CLPSL1: variants seen among roughly 807,000 people sequenced by gnomAD.
CLPSL1 encodes the protein colipase-like protein 1.
Under a neutral mutation model 9.3 loss-of-function variants are expected in CLPSL1, and 13 were observed. That is an observed-to-expected ratio of 1.40 (90% confidence interval 0.91 to 2.22). CLPSL1 has a LOEUF of 2.22. Ranked by LOEUF, CLPSL1 falls within the 30% of genes most tolerant of loss-of-function variation. CLPSL1 has a pLI of 0.00. For synonymous variants in CLPSL1, 58 were observed against 56.9 expected, an observed-to-expected ratio of 1.02 and a Z score of -0.08; for missense variants, 164 against 146.6, an observed-to-expected ratio of 1.12 and a Z score of -0.61.
At chr6:35,786,863 C>T (rs1485037801) in intron 1 of CLPSL1, 135 bp from the exon 2 acceptor site, 4 of 1,171,908 alleles carry the variant, frequency 3.4e-6, no homozygotes, top group Non-Finnish European at 4.8e-6. Flanking sequence ...TAGAGACCAC[C>T]CTGCCTGGCA....
In CLPSL1 at chr6:35,787,004, A is replaced by G; in HGVS notation, c.106A>G (p.Lys36Glu). ...GCCGTGTCCCTCCCTGCAGGAGCTC[A>G]AGGAGTCTTGCATCCGGAACCAGGA... is the stretch of plus-strand genomic sequence containing the variant. ...SPTKYNLLEL[K>E]ESCIRNQDCE... Residue 36 changes from lysine to glutamate, a missense_variant, in exon 2 of 3, where the codon AAG becomes GAG. By Grantham distance (56) the Lys-to-Glu change is moderately conservative. Coordinates refer to ENST00000373861, the MANE Select transcript of CLPSL1 (RefSeq NM_001010886.5). 6.3e-7 allele frequency: 1 copy of G among 1,579,650 alleles called. No individual in the cohort carries two copies. The highest frequency in any genetic ancestry group is 1.3e-5 in the African/African-American group (1 of 74,808).
intron 1 of CLPSL1, among the ~76,000 whole-genome samples, chr6:35,784,068 T>G (rs1768022504): frequency 6.6e-6 from 1 of 152,054 alleles, no homozygotes; most frequent in Non-Finnish European, 1.5e-5. Context: ...GTTTTTTGTT[T>G]TTTGGGGTAT....
intron 1 of CLPSL1, among the ~76,000 whole-genome samples, chr6:35,785,201 A>G (rs1768044951): frequency 7.8e-6 from 1 of 128,464 alleles, no homozygotes; most frequent in African/African-American, 3.1e-5. Context: ...TTTTTGAGAC[A>G]GAGTCTCGCT....
In CLPSL1 at chr6:35,781,210, G is replaced by A. The variant is rs758316974; in HGVS notation, c.99+1G>A. 1 of 1,613,368 alleles carries A rather than the reference G, an allele frequency of 6.2e-7. No homozygotes were observed. Among genetic ancestry groups the A allele is most frequent in the Non-Finnish European group, 8.5e-7 (1 of 1,179,532 alleles). The stretch of plus-strand genomic sequence containing the variant: ...TTCTCCAACAAAATACAACCTTTTG[G>A]TAAGAAAGCTGGAGAGTGCAGTCAC... On this transcript the variant is annotated splice_donor_variant, in intron 1 of 2. Transcript: ENST00000373861. LOFTEE classifies it high-confidence loss of function.
chr6:35,786,537 T>C (rs765468861), intron 1 of CLPSL1, among the ~76,000 whole-genome samples: 8 of 152,192 alleles, frequency 5.3e-5, no homozygotes, highest in Non-Finnish European at 1.0e-4. Context: ...TCAGAGATGA[T>C]GGGTGGCTGT....
intron 2 of CLPSL1, among the ~76,000 whole-genome samples, chr6:35,787,337 C>T (rs558467743): frequency 2.0e-5 from 3 of 152,334 alleles, no homozygotes; most frequent in Non-Finnish European, 4.4e-5. Flanking sequence ...TGGATTGGGG[C>T]GGGAAGGCGA....
chr6:35,781,048 C>A lies in CLPSL1; in HGVS notation c.-63C>A, dbSNP rs964109454. 9.4e-6 allele frequency: 15 copies of A among 1,595,894 alleles called. No homozygotes were observed. The highest frequency in any genetic ancestry group is 3.4e-5 in the Admixed American group (2 of 58,640). On this transcript the variant is annotated 5_prime_UTR_variant, in exon 1 of 3. Coordinates refer to ENST00000373861, the MANE Select transcript of CLPSL1 (RefSeq NM_001010886.5). ...GGTGTTCCCACAGCTGGGAGGACAC[C>A]CACATGGTCGGCGTGCAGGATATTT...
intron 1 of CLPSL1, among the ~76,000 whole-genome samples, chr6:35,784,251 T>G (rs1323500636): frequency 6.6e-6 from 1 of 152,164 alleles, no homozygotes; most frequent in Non-Finnish European, 1.5e-5. Context: ...ACAGCTATTA[T>G]CAGCAGAAGG....
intron 1 of CLPSL1, among the ~76,000 whole-genome samples, chr6:35,793,275 A>G (rs1768256370): frequency 6.6e-6 from 1 of 152,244 alleles, no homozygotes; most frequent in Non-Finnish European, 1.5e-5. Flanking sequence ...AATGCAAAAA[A>G]TCAGCCAGGC....
chr6:35,792,091 C>G (rs555425750), downstream of CLPSL1, among the ~76,000 whole-genome samples: 1 of 122,138 alleles, frequency 8.2e-6, no homozygotes, highest in Admixed American at 8.1e-5. Flanking sequence ...ATCTTCCCCC[C>G]GCCACAAAAA....
chr6:35,787,064 A>G lies in CLPSL1; in HGVS notation c.166A>G (p.Asn56Asp). The change falls in exon 2 of 3, where the codon AAT becomes GAT. Residue 56 changes from asparagine to aspartate, a missense_variant. By Grantham distance (23) the Asn-to-Asp change is conservative. Coordinates refer to ENST00000373861, the MANE Select transcript of CLPSL1 (RefSeq NM_001010886.5). ...TGGCTGCTGCCAACGTGCTCCAGAC[A>G]ATTGCGAGTCGCACTGCGCGGAGAA... Reference protein sequence around the residue: ...ETGCCQRAPDNCESHCAEKGS... With the variant: ...ETGCCQRAPDDCESHCAEKGS... The G allele has an allele frequency of 6.2e-7, 1 of 1,606,992 alleles. No individual in the cohort carries two copies. The highest frequency in any genetic ancestry group is 8.5e-7 in the Non-Finnish European group (1 of 1,178,044).
chr6:35,785,512 C>T (rs1206190082), intron 1 of CLPSL1, among the ~76,000 whole-genome samples: 2 of 151,926 alleles, frequency 1.3e-5, no homozygotes, highest in African/African-American at 4.8e-5. Context: ...CATTTTTTCT[C>T]TTAATGTGCA....
At chr6:35,792,143 C>T (rs184134615), downstream of CLPSL1, among the ~76,000 whole-genome samples, 3 of 152,282 alleles carry the variant, frequency 2.0e-5, no homozygotes, top group Admixed American at 2.0e-4. Context: ...GGCATGGTGG[C>T]ACACGCCTAT....
intron 2 of CLPSL1, 137 bp downstream of exon 2, chr6:35,787,257 AC>A: frequency 9.2e-7 from 1 of 1,086,592 alleles, no homozygotes; most frequent in South Asian, 1.5e-5. Flanking sequence ...GTGGGACTGC[AC>A]CTCCAAGCCT....
intron 1 of CLPSL1, chr6:35,793,473 C>T (rs1327254744): frequency 2.1e-6 from 1 of 471,338 alleles, no homozygotes; most frequent in Non-Finnish European, 4.4e-6. Context: ...TCTGCTCCTT[C>T]TCCCGCCTTC....
downstream of CLPSL1, among the ~76,000 whole-genome samples, chr6:35,790,806 G>C (rs568078066): frequency 3.9e-5 from 6 of 152,354 alleles, no homozygotes; most frequent in East Asian, 1.2e-3. Flanking sequence ...TCTGCATTTA[G>C]GCAGACAAAG....
downstream of CLPSL1, among the ~76,000 whole-genome samples, chr6:35,788,922 C>T (rs1227765111): frequency 2.6e-5 from 4 of 152,268 alleles, no homozygotes; most frequent in Admixed American, 1.3e-4. Context: ...TAAATTTCCA[C>T]ATTCAGCCAC....
chr6:35,783,526 G>T (rs1393340972), intron 1 of CLPSL1, among the ~76,000 whole-genome samples: 1 of 151,444 alleles, frequency 6.6e-6, no homozygotes, highest in African/African-American at 2.4e-5. Flanking sequence ...AAAAAGGGGG[G>T]CTGGGCGCGG....
At chr6:35,781,268 T>C (rs999881370) in intron 1 of CLPSL1, 59 bp downstream of exon 1, 60 of 1,586,306 alleles carry the variant, frequency 3.8e-5, no homozygotes, top group Middle Eastern at 1.7e-4. Context: ...CCTGTACTAT[T>C]TGGGGAGGTG....
Sources: allele counts gnomAD v4.1 joint callset (sites outside exome capture counted in the v4.1 genomes callset), GRCh38; gene constraint gnomAD v4.1.1; transcripts MANE v1.5; gene names NCBI Gene and HGNC (gene_info 2026-07-23, HGNC 2026-07-21).